Variants in ZNF423 observed in about 807,000 individuals in gnomAD.
ZNF423 encodes the protein Ebf-associated zinc finger protein.
Under a neutral mutation model 95.8 loss-of-function variants are expected in ZNF423, and 12 were observed. That is an observed-to-expected ratio of 0.13 (90% CI 0.08 to 0.20). ZNF423 has a LOEUF of 0.20. Ranked by LOEUF, ZNF423 falls within the 10% of genes least tolerant of loss-of-function variation. The pLI, the probability that ZNF423 is intolerant of heterozygous loss-of-function variation, is 1.00. For missense variants in ZNF423, 1,316 were observed against 1,737.1 expected, an observed-to-expected ratio of 0.76 and a Z score of 4.31; for synonymous variants, 749 against 711.9, an observed-to-expected ratio of 1.05 and a Z score of -0.83.
At chr16:49,723,131 A>G (rs560274731) in intron 3 of ZNF423, among the ~76,000 whole-genome samples, 13 of 150,932 alleles carry the variant, frequency 8.6e-5, no homozygotes, top group Admixed American at 7.9e-4. Flanking sequence ...AATTTTTTGT[A>G]TTTTCAGTAG....
intron 2 of ZNF423, among the ~76,000 whole-genome samples, chr16:49,775,823 TA>T (rs1251469113): frequency 6.6e-6 from 1 of 152,154 alleles, no homozygotes; most frequent in Non-Finnish European, 1.5e-5. Context: ...AGGATTGAAA[TA>T]AGGGCCTATC....
chr16:49,707,026 C>G (rs527554742), intron 3 of ZNF423, among the ~76,000 whole-genome samples: 66 of 152,208 alleles, frequency 4.3e-4, no homozygotes, highest in Non-Finnish European at 7.9e-4. Context: ...TTCTGCTGAC[C>G]TCTTCCAATG....
intron 1 of ZNF423, among the ~76,000 whole-genome samples, chr16:49,837,115 G>A (rs2035128829): frequency 6.6e-6 from 1 of 152,134 alleles, no homozygotes; most frequent in Admixed American, 6.5e-5. Flanking sequence ...CCAGGCTGAG[G>A]GACGTGGGTG....
chr16:49,849,665 G>A (rs1359458551), intron 1 of ZNF423, among the ~76,000 whole-genome samples: 1 of 152,086 alleles, frequency 6.6e-6, no homozygotes, highest in Non-Finnish European at 1.5e-5. Context: ...GAGGCAAGAG[G>A]GAGGGGAGGT....
intron 5 of ZNF423, among the ~76,000 whole-genome samples, chr16:49,599,009 T>G (rs1971271416): frequency 6.6e-6 from 1 of 152,200 alleles, no homozygotes. Context: ...AGCCCCAGTT[T>G]CTGAACTGTG....
chr16:49,733,073 G>A (rs1160027469), intron 2 of ZNF423, among the ~76,000 whole-genome samples: 3 of 152,140 alleles, frequency 2.0e-5, no homozygotes, highest in African/African-American at 4.8e-5. Flanking sequence ...CTGATCTGCC[G>A]CTGCAGTGAG....
rs183624520 is a variant in ZNF423, at chr16:49,623,229, C to A, written c.3601+2941G>T. 2.8e-3 allele frequency among the ~76,000 whole-genome samples: 426 copies of A among 152,330 alleles called. 6 individuals are homozygous for A. Among genetic ancestry groups the A allele is most frequent in the Middle Eastern group, 3.4e-3 (1 of 294 alleles). ...TCCTGGGCTCCAGGTCAGCTGACAG[C>A]GCTGCAGGGCAGGAATGGGCAAGGG... On this transcript the variant is annotated intron_variant, in intron 5 of 7. Coordinates refer to ENST00000563137, the MANE Select transcript of ZNF423 (RefSeq NM_001379286.1).
chr16:49,828,369 T>C (rs1359572778), intron 1 of ZNF423, among the ~76,000 whole-genome samples: 3 of 152,228 alleles, frequency 2.0e-5, no homozygotes, highest in Non-Finnish European at 4.4e-5. Flanking sequence ...CATTTCCCCA[T>C]GTAACTTGTG....
chr16:49,574,084 T>C (rs2151791287), intron 5 of ZNF423, among the ~76,000 whole-genome samples: 1 of 152,286 alleles, frequency 6.6e-6, no homozygotes, highest in East Asian at 1.9e-4. Context: ...TGGAGAGTCT[T>C]TTAAAACAAA....
At chr16:49,595,165 C>T (rs1971144954) in intron 5 of ZNF423, among the ~76,000 whole-genome samples, 1 of 152,176 alleles carries the variant, frequency 6.6e-6, no homozygotes, top group Admixed American at 6.5e-5. Context: ...TCTCTTGTGT[C>T]CCCTCCTGTT....
chr16:49,792,302 C>T (rs1287140836), intron 1 of ZNF423, among the ~76,000 whole-genome samples: 1 of 152,154 alleles, frequency 6.6e-6, no homozygotes, highest in Non-Finnish European at 1.5e-5. Context: ...CCAAAGATGT[C>T]AAGTCATCCT....
chr16:49,583,132 A>G lies in ZNF423; in HGVS notation c.3601+43038T>C, dbSNP rs571527631. On this transcript the variant is annotated intron_variant, in intron 5 of 7. Transcript: ENST00000563137. ...CCTCAGAGGCCACCTATGGACCGCAATTTTGGACACTAGCAAAGGGTTAGG... is the reference window on the plus strand; with the variant it reads ...CCTCAGAGGCCACCTATGGACCGCAGTTTTGGACACTAGCAAAGGGTTAGG... Among the ~76,000 whole-genome samples the G allele has an allele frequency of 3.3e-5, 5 of 152,330 alleles. No homozygotes were observed. In the South Asian group the frequency reaches 1.0e-3, roughly 32 times the overall value.
chr16:49,565,127 C>G (rs1970146996), intron 5 of ZNF423, among the ~76,000 whole-genome samples: 1 of 152,192 alleles, frequency 6.6e-6, no homozygotes, highest in South Asian at 2.1e-4. Flanking sequence ...TGCTTTTAAT[C>G]TATCAGCACG....
At chr16:49,535,507 C>T (rs746400650) in intron 5 of ZNF423, among the ~76,000 whole-genome samples, 13 of 152,260 alleles carry the variant, frequency 8.5e-5, no homozygotes, top group Admixed American at 6.5e-5. Context: ...CACCAAGAGA[C>T]AGGAGGTAAC....
chr16:49,784,166 A>G lies in ZNF423; in HGVS notation c.100+5321T>C, dbSNP rs371901273. On this transcript the variant is annotated intron_variant, in intron 2 of 7. Transcript: ENST00000563137. ...CTGGTGGCTCCTCCAAAGGTTAAACATAAAGTTGCCCTATAACCCAGCAAT... is the reference window on the plus strand; with the variant it reads ...CTGGTGGCTCCTCCAAAGGTTAAACGTAAAGTTGCCCTATAACCCAGCAAT... 1.4e-4 allele frequency among the ~76,000 whole-genome samples: 21 copies of G among 152,282 alleles called. No individual in the cohort carries two copies. In the East Asian group the frequency reaches 4.1e-3, roughly 29 times the overall value.
At chr16:49,645,949 C>A (rs150620455) in intron 3 of ZNF423, among the ~76,000 whole-genome samples, 2 of 152,216 alleles carry the variant, frequency 1.3e-5, no homozygotes, top group East Asian at 3.8e-4. Context: ...GCCTTCCCAG[C>A]CATGCACAAC....
intron 5 of ZNF423, among the ~76,000 whole-genome samples, chr16:49,531,251 T>G (rs1294681859): frequency 6.7e-6 from 1 of 149,982 alleles, no homozygotes; most frequent in Non-Finnish European, 1.5e-5. Context: ...AGACTGACAT[T>G]CCACAGCACC....
chr16:49,837,171 A>G (rs1320962977), intron 1 of ZNF423, among the ~76,000 whole-genome samples: 1 of 152,120 alleles, frequency 6.6e-6, no homozygotes, highest in African/African-American at 2.4e-5. Context: ...AGTAATGTAC[A>G]GAGGGGGCCC....
chr16:49,803,704 CTGAG>C (rs2034614513), intron 1 of ZNF423, among the ~76,000 whole-genome samples: 2 of 152,090 alleles, frequency 1.3e-5, no homozygotes, highest in South Asian at 2.1e-4. Flanking sequence ...CACACAGGAG[CTGAG>C]TGAGTGAATG....
Sources: allele counts gnomAD v4.1 joint callset (sites outside exome capture counted in the v4.1 genomes callset), GRCh38; gene constraint gnomAD v4.1.1; transcripts MANE v1.5; gene names NCBI Gene and HGNC (gene_info 2026-07-23, HGNC 2026-07-21).